ITPRID1: variants seen among roughly 807,000 people sequenced by gnomAD.
ITPRID1 encodes ITPR interacting domain containing 1.
Under a neutral mutation model 95.4 loss-of-function variants are expected in ITPRID1, and 96 were observed. That is an observed-to-expected ratio of 1.01 (90% CI 0.85 to 1.19). The LOEUF is 1.19. Ranked by LOEUF, ITPRID1 falls within the 50% of genes most tolerant of loss-of-function variation. The pLI is 0.00. For missense variants in ITPRID1, 1,339 were observed against 1,252.9 expected (o/e 1.07, Z -1.04); for synonymous variants, 510 against 453.6 (o/e 1.12, Z -1.58).
Position 31,643,976 on chromosome 7 carries a change from A to T in ITPRID1, c.2583+23A>T, listed in dbSNP as rs369610075. 1.1e-5 allele frequency: 18 copies of T among 1,575,004 alleles called. No individual in the cohort carries two copies. In the African/African-American group the frequency reaches 2.4e-4, roughly 21 times the overall value. On this transcript the variant is annotated intron_variant, in intron 12 of 14. Coordinates refer to ENST00000615280, the MANE Select transcript of ITPRID1 (RefSeq NM_001257967.3). Reference sequence around the variant, plus strand: ...TCCGTAAGTGTTCACCCTGGCAAAGATGGAAAGGCAGATGCACCCGTGATA... The same window carrying T: ...TCCGTAAGTGTTCACCCTGGCAAAGTTGGAAAGGCAGATGCACCCGTGATA...
chr7:31,588,227 G>A (rs1357585824), intron 10 of ITPRID1, among the ~76,000 whole-genome samples: 1 of 152,084 alleles, frequency 6.6e-6, no homozygotes, highest in Admixed American at 6.6e-5. Context: ...AGTGGAGGGA[G>A]TTTCAACACA....
At chr7:31,612,889 T>C (rs925087327) in intron 10 of ITPRID1, among the ~76,000 whole-genome samples, 3 of 152,158 alleles carry the variant, frequency 2.0e-5, no homozygotes, top group African/African-American at 7.2e-5. Context: ...AAGTCCACTA[T>C]TAGCCAAGTT....
chr7:31,514,805 T>C (rs917521215), intron 1 of ITPRID1, among the ~76,000 whole-genome samples: 1 of 152,096 alleles, frequency 6.6e-6, no homozygotes, highest in African/African-American at 2.4e-5. Context: ...TATTTGCACA[T>C]ATATATACAC....
chr7:31,649,041 T>G (rs1395428447), intron 12 of ITPRID1, among the ~76,000 whole-genome samples: 2 of 152,224 alleles, frequency 1.3e-5, no homozygotes, highest in Non-Finnish European at 2.9e-5. Flanking sequence ...AGAGATTCCC[T>G]AAGTGTTTCA....
intron 1 of ITPRID1, among the ~76,000 whole-genome samples, chr7:31,531,159 G>A (rs1041989133): frequency 6.6e-6 from 1 of 152,166 alleles, no homozygotes; most frequent in African/African-American, 2.4e-5. Flanking sequence ...GAATATCAGA[G>A]CATAGTTTAG....
chr7:31,648,744 G>A (rs1790701061), intron 12 of ITPRID1, among the ~76,000 whole-genome samples: 2 of 152,194 alleles, frequency 1.3e-5, no homozygotes, highest in South Asian at 4.1e-4. Context: ...TTGGTTACCT[G>A]ATGGGAAGCT....
intron 12 of ITPRID1, among the ~76,000 whole-genome samples, chr7:31,646,005 T>G (rs2128214106): frequency 6.6e-6 from 1 of 152,280 alleles, no homozygotes; most frequent in African/African-American, 2.4e-5. Context: ...GGGGAAAATA[T>G]TAAATCCTAG....
chr7:31,633,033 G>A (rs189168550), intron 10 of ITPRID1, among the ~76,000 whole-genome samples: 13 of 151,858 alleles, frequency 8.6e-5, no homozygotes, highest in Non-Finnish European at 1.5e-4. Context: ...ATTACAGGTG[G>A]GCACCATCAT....
intron 1 of ITPRID1, among the ~76,000 whole-genome samples, chr7:31,545,287 T>C (rs199520039): frequency 1.3e-5 from 2 of 152,080 alleles, no homozygotes; most frequent in Non-Finnish European, 2.9e-5. Flanking sequence ...ATCCAGAATA[T>C]GGTGTCCATG....
intron 10 of ITPRID1, among the ~76,000 whole-genome samples, chr7:31,619,503 A>G (rs1787595678): frequency 6.6e-6 from 1 of 151,784 alleles, no homozygotes; most frequent in Admixed American, 6.6e-5. Flanking sequence ...TAGCATTTTG[A>G]TAAGAATAAC....
At chr7:31,519,621 T>TCC (rs1554279823) in intron 1 of ITPRID1, among the ~76,000 whole-genome samples, 2 of 30,226 alleles carry the variant, frequency 6.6e-5, no homozygotes, top group Admixed American at 3.6e-4. Context: ...TCTCTCTCTC[T>TCC]ATATATATAT....
intron 1 of ITPRID1, among the ~76,000 whole-genome samples, chr7:31,520,942 T>C (rs1282902030): frequency 6.6e-6 from 1 of 151,988 alleles, no homozygotes; most frequent in Admixed American, 6.6e-5. Flanking sequence ...GTAAGAACCC[T>C]GGCTTCACAT....
chr7:31,556,367 T>C (rs1203088622), intron 5 of ITPRID1, among the ~76,000 whole-genome samples: 2 of 152,196 alleles, frequency 1.3e-5, no homozygotes, highest in Non-Finnish European at 2.9e-5. Flanking sequence ...TCATCGATCA[T>C]ATTTTAAACT....
chr7:31,574,417 C>T (rs1042925060), intron 7 of ITPRID1, 123 bp from the exon 8 acceptor site: 13 of 846,834 alleles, frequency 1.5e-5, no homozygotes, highest in Non-Finnish European at 2.1e-5. Context: ...GTGCACGCAC[C>T]GTTTGTCTAT....
At chr7:31,519,042 C>A (rs926726530) in intron 1 of ITPRID1, among the ~76,000 whole-genome samples, 2 of 152,092 alleles carry the variant, frequency 1.3e-5, no homozygotes, top group African/African-American at 4.8e-5. Flanking sequence ...GACAGTAGCC[C>A]AAATTTCTCA....
chr7:31,537,044 C>T (rs968237175), intron 1 of ITPRID1, among the ~76,000 whole-genome samples: 1 of 151,254 alleles, frequency 6.6e-6, no homozygotes, highest in East Asian at 1.9e-4. Flanking sequence ...TCCCCTCTAG[C>T]CATAGCCTGC....
intron 1 of ITPRID1, among the ~76,000 whole-genome samples, chr7:31,522,473 G>T (rs6974680): frequency 3.3e-5 from 5 of 152,198 alleles, no homozygotes; most frequent in Non-Finnish European, 7.3e-5. Context: ...TATGAGGAAA[G>T]TTGCTCATGA....
chr7:31,621,653 T>C (rs1267142125), intron 10 of ITPRID1, among the ~76,000 whole-genome samples: 1 of 147,834 alleles, frequency 6.8e-6, no homozygotes, highest in African/African-American at 2.5e-5. Flanking sequence ...TGCAAAATCA[T>C]GCCAAAATGT....
rs771885498 is a variant in ITPRID1 at position 31,574,689 on chromosome 7, T to G, written c.545T>G (p.Val182Gly). The G allele has an allele frequency of 6.2e-7, 1 of 1,613,838 alleles. No individual in the cohort carries two copies. Among genetic ancestry groups the G allele is most frequent in the East Asian group, 2.2e-5 (1 of 44,870 alleles). Residue 182 changes from valine to glycine, a missense_variant, in exon 8 of 15, where the codon GTT becomes GGT. By Grantham distance (109) the Val-to-Gly change is moderately radical. Coordinates refer to ENST00000615280, the MANE Select transcript of ITPRID1 (RefSeq NM_001257967.3). Reference protein sequence around the residue: ...GSAARGINIRVFLEAQKQRMD... With the variant: ...GSAARGINIRGFLEAQKQRMD... ...GCAGCCAGAGGAATCAACATCCGTG[T>G]TTTTCTTGAAGCTCAAAAGCAGCGA...
Sources: allele counts gnomAD v4.1 joint callset (sites outside exome capture counted in the v4.1 genomes callset), GRCh38; gene constraint gnomAD v4.1.1; transcripts MANE v1.5; gene names NCBI Gene and HGNC (gene_info 2026-07-23, HGNC 2026-07-21).